FGF12: variants seen among roughly 807,000 people sequenced by gnomAD.
FGF12 encodes fibroblast growth factor 12, also known as fibroblast growth factor 12B.
In FGF12, 14 loss-of-function variants were observed where a neutral mutation model predicts 23.6. The ratio of observed to expected loss-of-function variants is 0.59; its 90% CI spans 0.39 to 0.93. The LOEUF (loss-of-function observed/expected upper bound fraction) is 0.93. FGF12 is among the 40% of genes least tolerant of loss of function. The pLI is 0.00. For missense variants in FGF12, 175 were observed against 217.8 expected, an observed-to-expected ratio of 0.80 and a Z score of 1.24; for synonymous variants, 62 against 77.3, an observed-to-expected ratio of 0.80 and a Z score of 1.04.
chr3:192,681,584 C>G (rs183272898), intron 2 of FGF12, among the ~76,000 whole-genome samples: 251 of 152,272 alleles, frequency 1.6e-3, no homozygotes, highest in Non-Finnish European at 2.8e-3. Flanking sequence ...TCCCTGTGAC[C>G]AGAGGGATTT....
intron 2 of FGF12, among the ~76,000 whole-genome samples, chr3:192,696,129 GTT>G (rs1388858433): frequency 5.4e-5 from 8 of 149,426 alleles, no homozygotes; most frequent in South Asian, 2.2e-4. Flanking sequence ...CTGCACATGT[GTT>G]TTTCTGTGAT....
At chr3:192,671,798 CACACAT>C (rs1312689105) in intron 2 of FGF12, among the ~76,000 whole-genome samples, 3 of 114,818 alleles carry the variant, frequency 2.6e-5, no homozygotes, top group African/African-American at 9.9e-5. Flanking sequence ...CACACACACA[CACACAT>C]ACACACACAC....
chr3:192,273,128 C>G (rs1713553320), intron 4 of FGF12, among the ~76,000 whole-genome samples: 1 of 152,120 alleles, frequency 6.6e-6, no homozygotes, highest in South Asian at 2.1e-4. Context: ...GGGATTTACT[C>G]CTTTCATAAG....
intron 2 of FGF12, among the ~76,000 whole-genome samples, chr3:192,488,195 A>G (rs1169073011): frequency 6.6e-6 from 1 of 152,104 alleles, no homozygotes; most frequent in Non-Finnish European, 1.5e-5. Context: ...TTCATTAATT[A>G]CCTCTTGATA....
chr3:192,178,369 C>A (rs528913929), intron 4 of FGF12, among the ~76,000 whole-genome samples: 20 of 152,136 alleles, frequency 1.3e-4, no homozygotes, highest in African/African-American at 4.6e-4. Context: ...ATAGACTTTG[C>A]TATTGTGTTA....
intron 2 of FGF12, among the ~76,000 whole-genome samples, chr3:192,715,641 C>T (rs1234575330): frequency 1.3e-5 from 2 of 152,196 alleles, no homozygotes; most frequent in Non-Finnish European, 2.9e-5. Flanking sequence ...TGGTTCCTAG[C>T]CTCTAATGCC....
intron 2 of FGF12, among the ~76,000 whole-genome samples, chr3:192,389,099 C>T (rs936519429): frequency 2.0e-5 from 3 of 152,194 alleles, no homozygotes; most frequent in Non-Finnish European, 4.4e-5. Context: ...GTGGCTCACG[C>T]CTGTAATCCC....
chr3:192,249,903 G>A (rs917999979), intron 4 of FGF12, among the ~76,000 whole-genome samples: 5 of 152,136 alleles, frequency 3.3e-5, no homozygotes, highest in Non-Finnish European at 7.4e-5. Context: ...TCAAAAAAAC[G>A]TTGAATGGCA....
intron 5 of FGF12, among the ~76,000 whole-genome samples, chr3:192,158,690 CTCCT>C (rs1714694878): frequency 1.2e-4 from 2 of 17,058 alleles, no homozygotes. Context: ...CTCTCTCTTT[CTCCT>C]TCCTTCCCTC....
intron 4 of FGF12, among the ~76,000 whole-genome samples, chr3:192,335,032 T>G (rs1388897581): frequency 6.6e-6 from 1 of 152,058 alleles, no homozygotes; most frequent in Non-Finnish European, 1.5e-5. Context: ...CCTCCATGCT[T>G]AAAGGAGAGA....
In FGF12 at chr3:192,353,276, C is replaced by T. The variant is rs1035683242; in HGVS notation, c.124+7152G>A. The stretch of plus-strand genomic sequence containing the variant: ...TATGTATTCTGCCTAGAAATATGCC[C>T]ATAAAAAGTCACAGAGTAAATAAGA... On this transcript the variant is annotated intron_variant, in intron 3 of 5. Transcript: ENST00000445105. Among the ~76,000 whole-genome samples, 8 of 151,518 alleles carry T rather than the reference C, an allele frequency of 5.3e-5. No individual in the cohort carries two copies. The East Asian group carries it at 1.6e-3, about 30-fold the overall frequency.
chr3:192,577,193 T>A (rs1712943217), intron 2 of FGF12, among the ~76,000 whole-genome samples: 1 of 152,188 alleles, frequency 6.6e-6, no homozygotes, highest in African/African-American at 2.4e-5. Flanking sequence ...ATCCCAGAAC[T>A]TAAAGTGTAA....
intron 4 of FGF12, among the ~76,000 whole-genome samples, chr3:192,171,316 G>A (rs967859773): frequency 6.6e-6 from 1 of 152,126 alleles, no homozygotes; most frequent in African/African-American, 2.4e-5. Context: ...CACAGAATGA[G>A]AGTTCTAGTC....
rs538248621 is a variant in FGF12 at position 192,276,835 on chromosome 3, C to A, written c.228+58526G>T. 2.5e-3 allele frequency among the ~76,000 whole-genome samples: 376 copies of A among 152,238 alleles called. 1 individual carries two copies. The highest frequency in any genetic ancestry group is 4.6e-3 in the Non-Finnish European group (311 of 68,016). On this transcript the variant is annotated intron_variant, in intron 4 of 5. Transcript: ENST00000445105. ...ATAAGATTCCCTTTCCAGAGAGGGT[C>A]CTCACCACACTCAGAAGAAAGGAAT...
chr3:192,453,741 C>T (rs999850936), intron 2 of FGF12, among the ~76,000 whole-genome samples: 1 of 152,038 alleles, frequency 6.6e-6, no homozygotes, highest in African/African-American at 2.4e-5. Context: ...GGGCTCAGCT[C>T]TCCTAGCATG....
intron 2 of FGF12, among the ~76,000 whole-genome samples, chr3:192,421,131 C>T (rs371714819): frequency 5.9e-5 from 9 of 152,214 alleles, no homozygotes; most frequent in African/African-American, 2.2e-4. Flanking sequence ...TAACTGACTC[C>T]ATGCACAGTA....
At chr3:192,694,098 T>C (rs1008614090) in intron 2 of FGF12, among the ~76,000 whole-genome samples, 1 of 152,118 alleles carries the variant, frequency 6.6e-6, no homozygotes, top group African/African-American at 2.4e-5. Flanking sequence ...GAGACCTGAA[T>C]AGACATTTCT....
At chr3:192,314,789 A>G (rs747310230) in intron 4 of FGF12, among the ~76,000 whole-genome samples, 24 of 152,214 alleles carry the variant, frequency 1.6e-4, no homozygotes, top group Non-Finnish European at 2.8e-4. Flanking sequence ...CTTTCTTCTT[A>G]GTGAGGTTTT....
chr3:192,330,331 T>C (rs1264776731), intron 4 of FGF12, among the ~76,000 whole-genome samples: 3 of 152,122 alleles, frequency 2.0e-5, no homozygotes, highest in Admixed American at 6.6e-5. Context: ...CTTCAAAATG[T>C]AGTGGAAAAC....
Sources: gnomAD v4.1 joint callset for allele counts (sites outside exome capture counted in the v4.1 genomes callset) on GRCh38, gnomAD v4.1.1 for gene constraint, MANE v1.5 for transcripts, NCBI Gene and HGNC (gene_info 2026-07-23, HGNC 2026-07-21) for gene names.